Variants in CCSER1 observed in about 807,000 individuals in gnomAD.
The protein encoded by CCSER1 is coiled-coil serine rich protein 1.
In CCSER1, 41 loss-of-function variants were observed where a neutral mutation model predicts 82.0. The observed-to-expected ratio is 0.50, with a 90% CI of 0.39 to 0.65. CCSER1 has a LOEUF of 0.65. CCSER1 is among the 30% of genes least tolerant of loss of function. The pLI is 0.00. For missense variants in CCSER1, 1,119 were observed against 1,064.2 expected (o/e 1.05, Z -0.72); for synonymous variants, 414 against 383.9 (o/e 1.08, Z -0.92).
chr4:90,921,945 T>C (rs1361493276), intron 8 of CCSER1, among the ~76,000 whole-genome samples: 1 of 152,052 alleles, frequency 6.6e-6, no homozygotes, highest in Non-Finnish European at 1.5e-5. Flanking sequence ...TCAATATGTC[T>C]AGATAAATAC....
rs376987549 is a variant in CCSER1, at chr4:90,534,441, TTGTGTGTGTGTGTGTGTGTG to T, written c.1724+66116_1724+66135del. Among the ~76,000 whole-genome samples the T allele has an allele frequency of 5.9e-5, 8 of 136,468 alleles. No homozygotes were observed. In the East Asian group the frequency reaches 6.6e-4, roughly 11 times the overall value. The allele number at this position is 136,468 out of a possible 152,430, so 89.5% of individuals were successfully genotyped here. ...ACCGAGCCCAGGCTGTGCCAGCCTT[TTGTGTGTGTGTGTGTGTGTG>T]TGTGTGTGTGTGTGTGTGTGTGTGT... is the stretch of plus-strand genomic sequence containing the variant. On this transcript the variant is annotated intron_variant, in intron 5 of 10. Transcript: ENST00000509176.
chr4:90,937,403 AAC>A (rs1261786937), intron 9 of CCSER1, among the ~76,000 whole-genome samples: 1 of 151,974 alleles, frequency 6.6e-6, no homozygotes, highest in Non-Finnish European at 1.5e-5. Context: ...TAATCTATAT[AAC>A]ACACAGATAA....
chr4:91,402,640 G>T (rs374813306), intron 10 of CCSER1, among the ~76,000 whole-genome samples: 2 of 151,920 alleles, frequency 1.3e-5, no homozygotes, highest in Admixed American at 1.3e-4. Context: ...AGCACCATTT[G>T]TTAAATAGGG....
intron 1 of CCSER1, among the ~76,000 whole-genome samples, chr4:90,208,977 A>G (rs530005574): frequency 6.6e-6 from 1 of 152,248 alleles, no homozygotes; most frequent in South Asian, 2.1e-4. Context: ...CGAGTGCCAA[A>G]CATCTACCTA....
chr4:91,535,545 G>A (rs1434986531), intron 10 of CCSER1, among the ~76,000 whole-genome samples: 1 of 152,084 alleles, frequency 6.6e-6, no homozygotes, highest in South Asian at 2.1e-4. Context: ...TTAGCAGTTG[G>A]ATGTCTTTTG....
chr4:90,688,693 T>C (rs2149217738), intron 6 of CCSER1, among the ~76,000 whole-genome samples: 1 of 152,252 alleles, frequency 6.6e-6, no homozygotes, highest in African/African-American at 2.4e-5. Flanking sequence ...CAAATTATTT[T>C]ATGTATATAC....
chr4:90,487,187 C>T (rs1229685591), intron 5 of CCSER1, among the ~76,000 whole-genome samples: 1 of 152,240 alleles, frequency 6.6e-6, no homozygotes, highest in East Asian at 1.9e-4. Flanking sequence ...GCTGGGATTA[C>T]AGGCGTGAGC....
intron 4 of CCSER1, among the ~76,000 whole-genome samples, chr4:90,419,923 A>AATATAC (rs1418111674): frequency 2.6e-5 from 4 of 151,818 alleles, no homozygotes; most frequent in Non-Finnish European, 5.9e-5. Context: ...TATACCTTAA[A>AATATAC]CTTTTTATAT....
intron 5 of CCSER1, among the ~76,000 whole-genome samples, chr4:90,515,648 G>A (rs1772167446): frequency 6.6e-6 from 1 of 152,128 alleles, no homozygotes; most frequent in South Asian, 2.1e-4. Context: ...GTAAATCTAA[G>A]CACTATACAG....
chr4:90,431,573 G>T (rs76990657), intron 4 of CCSER1, among the ~76,000 whole-genome samples: 1 of 152,030 alleles, frequency 6.6e-6, no homozygotes, highest in African/African-American at 2.4e-5. Context: ...ACAACTAAAT[G>T]GAGATAAAAT....
intron 10 of CCSER1, among the ~76,000 whole-genome samples, chr4:91,168,332 C>A (rs565861731): frequency 5.0e-4 from 73 of 146,420 alleles, no homozygotes; most frequent in Non-Finnish European, 8.2e-4. Flanking sequence ...CCGGCCACCC[C>A]CTCTGGGAAG....
At chr4:90,551,257 G>A (rs901773103) in intron 5 of CCSER1, among the ~76,000 whole-genome samples, 1 of 152,104 alleles carries the variant, frequency 6.6e-6, no homozygotes, top group African/African-American at 2.4e-5. Context: ...GGCTCTTAGT[G>A]TAAAGTCCAA....
At chr4:91,249,038 C>T (rs577136800) in intron 10 of CCSER1, among the ~76,000 whole-genome samples, 2 of 152,088 alleles carry the variant, frequency 1.3e-5, no homozygotes, top group Non-Finnish European at 2.9e-5. Flanking sequence ...TCTGTCTACT[C>T]TATAGAATTT....
intron 7 of CCSER1, among the ~76,000 whole-genome samples, chr4:90,753,193 G>A (rs954902134): frequency 6.6e-6 from 1 of 152,070 alleles, no homozygotes; most frequent in East Asian, 1.9e-4. Context: ...TTTAGTTTTA[G>A]GAGAAAACTA....
At chr4:90,743,125 TAAAG>T (rs1424995296) in intron 7 of CCSER1, among the ~76,000 whole-genome samples, 2 of 152,146 alleles carry the variant, frequency 1.3e-5, no homozygotes, top group African/African-American at 2.4e-5. Context: ...TTGCCTACAA[TAAAG>T]ATATTCTCAA....
chr4:91,363,822 C>A (rs1749427779), intron 10 of CCSER1, among the ~76,000 whole-genome samples: 2 of 151,660 alleles, frequency 1.3e-5, no homozygotes, highest in African/African-American at 4.8e-5. Flanking sequence ...TCAGAAACAA[C>A]CCTTTTTCAT....
chr4:90,762,368 C>T (rs1750539770), intron 7 of CCSER1, among the ~76,000 whole-genome samples: 1 of 152,066 alleles, frequency 6.6e-6, no homozygotes, highest in Non-Finnish European at 1.5e-5. Context: ...GTCAATTAAA[C>T]CTGTTTATAA....
chr4:90,549,764 A>G (rs1006192288), intron 5 of CCSER1, among the ~76,000 whole-genome samples: 5 of 152,032 alleles, frequency 3.3e-5, no homozygotes, highest in African/African-American at 4.8e-5. Flanking sequence ...TATCATGAAG[A>G]TGTTCCAGGT....
At chr4:90,927,800 C>G (rs1371419184) in intron 9 of CCSER1, among the ~76,000 whole-genome samples, 1 of 151,970 alleles carries the variant, frequency 6.6e-6, no homozygotes, top group Non-Finnish European at 1.5e-5. Context: ...GAAAATAGTT[C>G]ATCATGCTGT....
Sources: allele counts gnomAD v4.1 joint callset (sites outside exome capture counted in the v4.1 genomes callset), GRCh38; gene constraint gnomAD v4.1.1; transcripts MANE v1.5; gene names NCBI Gene and HGNC (gene_info 2026-07-23, HGNC 2026-07-21).